The following CENPE variants were observed in gnomAD, a reference collection of about 807,000 sequenced individuals.
The protein encoded by CENPE is centromere-associated protein E.
Under a neutral mutation model 336.1 loss-of-function variants are expected in CENPE, and 145 were observed. The ratio of observed to expected loss-of-function variants is 0.43; its 90% CI spans 0.38 to 0.50. The LOEUF is 0.50. CENPE is among the 20% of genes least tolerant of loss of function. The pLI, the probability that CENPE is intolerant of heterozygous loss-of-function variation, is 0.00. For synonymous variants in CENPE, 1,013 were observed against 984.8 expected, an observed-to-expected ratio of 1.03 and a Z score of -0.54; for missense variants, 2,719 against 3,023.3, an observed-to-expected ratio of 0.90 and a Z score of 2.36.
At chr4:103,147,765 T>C (rs1016809733) in intron 28 of CENPE, 119 bp from the exon 29 acceptor site, 4 of 792,092 alleles carry the variant, frequency 5.0e-6, no homozygotes, top group Admixed American at 5.7e-5. Context: ...GCAATCTCAG[T>C]TCACTGCAAC....
Position 103,108,798 on chromosome 4 carries a change from C to G in CENPE, c.8011+5G>C. The G allele has an allele frequency of 1.2e-6, 2 of 1,610,676 alleles. No homozygotes were observed. Among genetic ancestry groups the G allele is most frequent in the Non-Finnish European group, 1.7e-6 (2 of 1,178,350 alleles). On this transcript the variant is annotated splice_donor_5th_base_variant and intron_variant, in intron 48 of 48. Transcript: ENST00000265148. ...GATTTCCAAGTAACCAGTATATTTA[C>G]TTACCTGGACAAAGGCCTAAACTTG...
In CENPE at chr4:103,122,866, T is replaced by C; in HGVS notation, c.7143+5A>G. On this transcript the variant is annotated splice_donor_5th_base_variant and intron_variant, in intron 43 of 48. Transcript: ENST00000265148. ...CTGAAGAACATTTTATAAGAAATTA[T>C]ATACCTCTGTGGTTAACTGTGTAGC... 6.3e-7 allele frequency: 1 copy of C among 1,599,080 alleles called. No individual in the cohort carries two copies. Among genetic ancestry groups the C allele is most frequent in the Non-Finnish European group, 8.6e-7 (1 of 1,166,990 alleles).
At chr4:103,156,805 G>C (rs1753995969) in intron 24 of CENPE, among the ~76,000 whole-genome samples, 1 of 152,002 alleles carries the variant, frequency 6.6e-6, no homozygotes, top group Non-Finnish European at 1.5e-5. Flanking sequence ...CGATGGAATG[G>C]GAGGAAATTT....
intron 8 of CENPE, among the ~76,000 whole-genome samples, chr4:103,190,996 A>T (rs1757265075): frequency 6.6e-6 from 1 of 152,168 alleles, no homozygotes; most frequent in South Asian, 2.1e-4. Context: ...GGATATGAAC[A>T]GACACTTCTC....
At chr4:103,144,703 T>C in intron 32 of CENPE, 85 bp from the exon 33 acceptor site, 1 of 879,444 alleles carries the variant, frequency 1.1e-6, no homozygotes, top group Non-Finnish European at 1.7e-6. Context: ...GGCAATCATT[T>C]TTACATTGTA....
rs1383077401 is a variant in CENPE, at chr4:103,149,516, C to T, written c.3397-108G>A. ...TATCAGCATATAAATAGGTAAGTAGCATTAAAAGTAAATGAAACTCACAGG... is the reference window on the plus strand; with the variant it reads ...TATCAGCATATAAATAGGTAAGTAGTATTAAAAGTAAATGAAACTCACAGG... On this transcript the variant is annotated intron_variant, in intron 26 of 48. Coordinates refer to ENST00000265148, the MANE Select transcript of CENPE (RefSeq NM_001813.3). 12 of 949,544 alleles carry T rather than the reference C, an allele frequency of 1.3e-5. No homozygotes were observed. In the East Asian group the frequency reaches 3.2e-4, roughly 25 times the overall value. The allele number at this position is 949,544 out of a possible 1,614,324, so 58.8% of individuals were successfully genotyped here.
rs1168628146 is a variant in CENPE, at chr4:103,160,651, AAGGTAAAGATTT to A, written c.2248_2259del (p.Lys750_Pro753del). 6.2e-7 allele frequency: 1 copy of A among 1,609,548 alleles called. No homozygotes were observed. Among genetic ancestry groups the A allele is most frequent in the Non-Finnish European group, 8.5e-7 (1 of 1,178,154 alleles). ...TCTTTCCTCAGCCTTTCTACTTCAG[AAGGTAAAGATTT>A]CAATTCTGAAAGCAAAATGACTTCT... On this transcript the variant is annotated inframe_deletion, in exon 21 of 49. Coordinates refer to ENST00000265148, the MANE Select transcript of CENPE (RefSeq NM_001813.3).
intron 45 of CENPE, among the ~76,000 whole-genome samples, chr4:103,114,943 A>C (rs894660317): frequency 6.6e-5 from 10 of 152,186 alleles, no homozygotes; most frequent in Non-Finnish European, 1.5e-4. Flanking sequence ...ATGGTCAGGA[A>C]AGCAAACCCT....
chr4:103,163,945 C>T (rs1351213753), intron 16 of CENPE, among the ~76,000 whole-genome samples: 3 of 152,020 alleles, frequency 2.0e-5, no homozygotes, highest in African/African-American at 7.2e-5. Flanking sequence ...CAGTTAAGTA[C>T]AGAAATGTAT....
chr4:103,116,251 T>TACACACACACACACACAC lies in CENPE; in HGVS notation c.7442+308_7442+325dup, dbSNP rs58894383. The TACACACACACACACACAC allele has an allele frequency of 6.7e-3, 1,004 of 150,006 alleles. 11 individuals are homozygous for TACACACACACACACACAC. The highest frequency in any genetic ancestry group is 0.033 in the Middle Eastern group (10 of 300). 9.3% of individuals were successfully genotyped at this position (150,006 alleles called of 1,614,324 possible). A position where few individuals can be genotyped will look rare whatever the true frequency, so the allele number is the denominator to read the frequency against. On this transcript the variant is annotated intron_variant, in intron 45 of 48. Coordinates refer to ENST00000265148, the MANE Select transcript of CENPE (RefSeq NM_001813.3). ...CAGAAGCCTTAGTAAAACTGCTAAA[T>TACACACACACACACACAC]ACACACACACACACACACACACACA...
At chr4:103,132,646 A>T in intron 42 of CENPE, 47 bp downstream of exon 42, 2 of 994,428 alleles carry the variant, frequency 2.0e-6, no homozygotes, top group Non-Finnish European at 3.0e-6. Context: ...TAGGACAATT[A>T]AAGCAAACAG....
chr4:103,149,154 G>A lies in CENPE; in HGVS notation c.3651C>T (p.Asp1217=), dbSNP rs200912709. 3 of 1,606,378 alleles carry A rather than the reference G, an allele frequency of 1.9e-6. No homozygotes were observed. ...TTTCTCTTATATATCCTCTAAGGTGGTCTCTCTCTGTTTCAAATGACTTCT... is the reference window on the plus strand; with the variant it reads ...TTTCTCTTATATATCCTCTAAGGTGATCTCTCTCTGTTTCAAATGACTTCT... ...ELQKSFETER[D]HLRGYIREIE... Residue 1217 remains aspartate, a synonymous_variant, in exon 27 of 49, where the codon GAC becomes GAT. Transcript: ENST00000265148.
Position 103,180,371 on chromosome 4 carries a change from A to C in CENPE, c.1182T>G (p.Ile394Met), listed in dbSNP as rs201423076. 1 of 1,613,238 alleles carries C rather than the reference A, an allele frequency of 6.2e-7. No homozygotes were observed. The highest frequency in any genetic ancestry group is 1.3e-5 in the African/African-American group (1 of 74,862). The part of the protein sequence containing the change: ...DLLQKVQNEK[I>M]ENLTRMLVTS... ...TCACCAGCATCCGTGTTAAGTTTTC[A>C]ATTTTCTCATTCTGTACTTTCTGAA... The change falls in exon 13 of 49, where the codon ATT (isoleucine) becomes ATG (methionine). Residue 394 changes from isoleucine to methionine, a missense_variant. By Grantham distance (10) the Ile-to-Met change is conservative. Transcript: ENST00000265148.
In CENPE at chr4:103,152,609, C is replaced by T. The variant is rs1177260700; in HGVS notation, c.3237+438G>A. ...TTATTCAAAATAGCCAAATACTGAACGGAACCCAAATTTCCATCAATAGGA... is the reference window on the plus strand; with the variant it reads ...TTATTCAAAATAGCCAAATACTGAATGGAACCCAAATTTCCATCAATAGGA... On this transcript the variant is annotated intron_variant, in intron 25 of 48. Coordinates refer to ENST00000265148, the MANE Select transcript of CENPE (RefSeq NM_001813.3). Among the ~76,000 whole-genome samples the T allele has an allele frequency of 1.3e-5, 2 of 151,974 alleles. 1 individual carries two copies.
At chr4:103,176,128 A>G (rs1381692995) in intron 14 of CENPE, 80 bp from the exon 15 acceptor site, 7 of 807,306 alleles carry the variant, frequency 8.7e-6, no homozygotes, top group Non-Finnish European at 1.4e-5. Flanking sequence ...TACTAAAAAA[A>G]TTCTTATCAG....
chr4:103,106,341 T>A, intron 48 of CENPE, 25 bp from the exon 49 acceptor site: 1 of 1,542,200 alleles, frequency 6.5e-7, no homozygotes. Context: ...GAAAACAACA[T>A]TCATCCTATT....
At chr4:103,132,543 AC>A (rs1348217747) in intron 42 of CENPE, 149 bp downstream of exon 42, 2 of 427,452 alleles carry the variant, frequency 4.7e-6, no homozygotes, top group Non-Finnish European at 8.6e-6. Flanking sequence ...GAAGAATAAT[AC>A]ATTAGAGGAA....
chr4:103,149,137 A>C lies in CENPE; in HGVS notation c.3668T>G (p.Ile1223Arg), dbSNP rs374521225. 1 of 1,595,018 alleles carries C rather than the reference A, an allele frequency of 6.3e-7. No homozygotes were observed. The highest frequency in any genetic ancestry group is 1.1e-5 in the South Asian group (1 of 87,608). Reference protein sequence around the residue: ...ETERDHLRGYIREIEATGLQT... With the variant: ...ETERDHLRGYRREIEATGLQT... ...ACTTACTGTAGCTTCAATTTCTCTT[A>C]TATATCCTCTAAGGTGGTCTCTCTC... The change falls in exon 27 of 49, where the codon ATA becomes AGA. Residue 1223 changes from isoleucine to arginine, a missense_variant. Ile to Arg is a moderately conservative substitution (Grantham distance 97). This residue lies in a region of CENPE where 2,437 missense variants were observed against 2,513.3 expected (regional missense o/e 0.97). Transcript: ENST00000265148.
At chr4:103,181,515 T>G (rs1175450765) in intron 11 of CENPE, 59 bp from the exon 12 acceptor site, 12 of 1,384,090 alleles carry the variant, frequency 8.7e-6, no homozygotes, top group Non-Finnish European at 1.2e-5. Flanking sequence ...CGAATTTAAT[T>G]AATAATATTT....
Sources: gnomAD v4.1 joint callset for allele counts (sites outside exome capture counted in the v4.1 genomes callset) on GRCh38, gnomAD v4.1.1 for gene constraint, gnomAD v4.1.1 regional missense constraint, MANE v1.5 for transcripts, NCBI Gene and HGNC (gene_info 2026-07-23, HGNC 2026-07-21) for gene names.